The following EML6 variants were observed in gnomAD, a reference collection of about 807,000 sequenced individuals.
EML6 encodes the protein echinoderm microtubule-associated protein-like 6.
EML6 carries 154 observed loss-of-function variants against 240.1 expected under a neutral mutation model. The observed-to-expected ratio is 0.64, with a 90% confidence interval of 0.56 to 0.73. EML6 has a LOEUF of 0.73. Among genes scored for constraint, EML6 ranks in the 30% least tolerant of loss-of-function variants. EML6 has a pLI of 0.00. For missense variants in EML6, 2,964 were observed against 2,474.6 expected, an observed-to-expected ratio of 1.20 and a Z score of -4.20; for synonymous variants, 1,148 against 899.0, an observed-to-expected ratio of 1.28 and a Z score of -4.95.
At chr2:54,829,526 G>A (rs1558586414) in intron 7 of EML6, 49 bp downstream of exon 7, 3 of 1,428,656 alleles carry the variant, frequency 2.1e-6, no homozygotes, top group Non-Finnish European at 1.9e-6. Context: ...GAAATATAAT[G>A]TGAAGTTCTG....
chr2:54,783,206 T>C (rs1462141359), intron 2 of EML6, among the ~76,000 whole-genome samples: 1 of 152,240 alleles, frequency 6.6e-6, no homozygotes. Flanking sequence ...ACTGACCTCA[T>C]GTCTTATCTC....
chr2:54,767,194 A>G (rs1668218477), intron 2 of EML6, among the ~76,000 whole-genome samples: 1 of 152,166 alleles, frequency 6.6e-6, no homozygotes, highest in East Asian at 1.9e-4. Context: ...CTGTTACAGC[A>G]AAGTATTAAC....
At chr2:54,830,670 G>A (rs929588007) in intron 7 of EML6, among the ~76,000 whole-genome samples, 2 of 152,192 alleles carry the variant, frequency 1.3e-5, no homozygotes, top group Non-Finnish European at 2.9e-5. Context: ...AAACAGCCTA[G>A]ACGGCATATC....
At chr2:54,877,922 C>G (rs1671596509) in intron 16 of EML6, among the ~76,000 whole-genome samples, 2 of 152,146 alleles carry the variant, frequency 1.3e-5, no homozygotes, top group Non-Finnish European at 2.9e-5. Context: ...ACTACCATTT[C>G]CAGTTGGTTG....
At chr2:54,825,396 A>G (rs1668537528) in intron 5 of EML6, among the ~76,000 whole-genome samples, 1 of 152,160 alleles carries the variant, frequency 6.6e-6, no homozygotes, top group African/African-American at 2.4e-5. Context: ...CTTTATTAAA[A>G]AAAACTTTAT....
chr2:54,790,786 C>T lies in EML6; in HGVS notation c.198-22446C>T, dbSNP rs994106240. Among the ~76,000 whole-genome samples, 4 of 143,272 alleles carry T rather than the reference C, an allele frequency of 2.8e-5. No individual in the cohort carries two copies. The South Asian group carries it at 6.6e-4, about 24-fold the overall frequency. The allele number at this position is 143,272 out of a possible 152,430, so 94.0% of individuals were successfully genotyped here. ...TGTCGCCCAGGCTGGAGTGCAGTGG[C>T]GCGATCTTGGCTCACTGCAAGCTCC... On this transcript the variant is annotated intron_variant, in intron 2 of 41. Coordinates refer to ENST00000356458, the MANE Select transcript of EML6 (RefSeq NM_001039753.4).
At chr2:54,750,900 A>C (rs1463145185) in intron 2 of EML6, among the ~76,000 whole-genome samples, 3 of 152,190 alleles carry the variant, frequency 2.0e-5, no homozygotes, top group Non-Finnish European at 4.4e-5. Flanking sequence ...GTCCTCCCCG[A>C]GCCACATGGG....
intron 28 of EML6, among the ~76,000 whole-genome samples, chr2:54,936,080 GT>G (rs1675120461): frequency 6.6e-6 from 1 of 152,092 alleles, no homozygotes; most frequent in South Asian, 2.1e-4. Flanking sequence ...ATCTCCAGAG[GT>G]TTTCATTATC....
chr2:54,793,791 C>G (rs1669602827), intron 2 of EML6, among the ~76,000 whole-genome samples: 1 of 152,068 alleles, frequency 6.6e-6, no homozygotes, highest in Non-Finnish European at 1.5e-5. Flanking sequence ...GGCAGAACTT[C>G]CCCAACTCCC....
rs114913469 is a variant in EML6 at position 54,746,418 on chromosome 2, G to A, written c.197+21160G>A. 3.4e-3 allele frequency among the ~76,000 whole-genome samples: 521 copies of A among 151,958 alleles called. 1 individual carries two copies. The highest frequency in any genetic ancestry group is 0.01 in the Middle Eastern group (3 of 292). Reference sequence around the variant, plus strand: ...GAAAATCTATTTATTGTTTTCCTTGGGTACAGGCTTGTGATTTCGTTTGTT... The same window carrying A: ...GAAAATCTATTTATTGTTTTCCTTGAGTACAGGCTTGTGATTTCGTTTGTT... On this transcript the variant is annotated intron_variant, in intron 2 of 41. Transcript: ENST00000356458.
At chr2:54,882,877 A>AAAAAAAAAAAAAAAAAAAAAAAAAAAG (rs1238823372) in intron 17 of EML6, 1 of 146,474 alleles carries the variant, frequency 6.8e-6, no homozygotes, top group African/African-American at 2.5e-5. Flanking sequence ...AAAAAAAAGA[A>AAAAAAAAAAAAAAAAAAAAAAAAAAAG]AGCTTAGGGA....
rs1208198622 is a variant in EML6 at position 54,910,841 on chromosome 2, A to C, written c.3410-113A>C. The C allele has an allele frequency of 1.4e-4, 84 of 581,648 alleles. 1 individual carries two copies. The South Asian group carries it at 2.2e-3, about 15-fold the overall frequency. The allele number at this position is 581,648 out of a possible 1,614,324, so 36.0% of individuals were successfully genotyped here. On this transcript the variant is annotated intron_variant, in intron 24 of 41. Coordinates refer to ENST00000356458, the MANE Select transcript of EML6 (RefSeq NM_001039753.4). ...TGAATAATTCAAAATGTATTTACTC[A>C]ATTTGTGAGACTTTGATTAAAATGA...
intron 28 of EML6, among the ~76,000 whole-genome samples, chr2:54,946,521 CTG>C (rs1199180519): frequency 6.6e-6 from 1 of 152,212 alleles, no homozygotes; most frequent in Non-Finnish European, 1.5e-5. Context: ...CCACGGAAAA[CTG>C]TTAAACCTCC....
At chr2:54,828,061 A>G (rs1668682991) in intron 6 of EML6, among the ~76,000 whole-genome samples, 1 of 152,212 alleles carries the variant, frequency 6.6e-6, no homozygotes, top group African/African-American at 2.4e-5. Flanking sequence ...TGTGCCCATG[A>G]GTTTCTGGGG....
Position 54,829,453 on chromosome 2 carries a change from A to T in EML6, c.823A>T (p.Arg275Trp). 1.3e-6 allele frequency: 2 copies of T among 1,549,710 alleles called. No individual in the cohort carries two copies. The highest frequency in any genetic ancestry group is 2.4e-5 in the South Asian group (2 of 84,002). The part of the protein sequence containing the change: ...DFKPITKIDL[R>W]ETEQGYKGLS... The stretch of plus-strand genomic sequence containing the variant: ...CAAACCAATAACCAAAATTGATCTC[A>T]GGGAGACAGAACAAGGATACAAAGG... Residue 275 changes from arginine (R) to tryptophan (W), a missense_variant, in exon 7 of 42, where the codon AGG (arginine) becomes TGG (tryptophan). Coordinates refer to ENST00000356458, the MANE Select transcript of EML6 (RefSeq NM_001039753.4).
rs57639955 is a variant in EML6, at chr2:54,785,170, C to CTT, written c.198-28040_198-28039dup. On this transcript the variant is annotated intron_variant, in intron 2 of 41. Coordinates refer to ENST00000356458, the MANE Select transcript of EML6 (RefSeq NM_001039753.4). Reference sequence around the variant, plus strand: ...AGATTTCCACCCCCCCACACACACACTTTTTTTTTTTTTTTTTTTTTTTAA... The same window carrying CTT: ...AGATTTCCACCCCCCCACACACACACTTTTTTTTTTTTTTTTTTTTTTTTTAA... Among the ~76,000 whole-genome samples the CTT allele has an allele frequency of 3.2e-3, 329 of 102,590 alleles. 4 individuals are homozygous for CTT. Among genetic ancestry groups the CTT allele is most frequent in the African/African-American group, 0.011 (300 of 26,694 alleles). 67.3% of individuals were successfully genotyped at this position (102,590 alleles called of 152,430 possible).
chr2:54,925,279 G>A (rs2104372492), intron 26 of EML6, among the ~76,000 whole-genome samples: 1 of 152,218 alleles, frequency 6.6e-6, no homozygotes, highest in Non-Finnish European at 1.5e-5. Flanking sequence ...AACCAAATTG[G>A]CCAGCACCTT....
rs1446345039 is a variant in EML6 at position 54,916,874 on chromosome 2, G to A, written c.3614G>A (p.Cys1205Tyr). 6.5e-6 allele frequency: 10 copies of A among 1,550,192 alleles called. No individual in the cohort carries two copies. The East Asian group carries it at 7.3e-5, about 11-fold the overall frequency. ...DVNAASLTKD[C>Y]SLLATGDDFG... is the part of the protein sequence containing the mutation. ...AATGCTGCCAGTCTTACCAAAGACT[G>A]TTCCCTTTTAGCCACCGGAGATGAT... Residue 1205 changes from cysteine to tyrosine, a missense_variant, in exon 26 of 42, where the codon TGT (cysteine) becomes TAT (tyrosine). Transcript: ENST00000356458.
At chr2:54,822,413 A>G (rs1327819420) in intron 5 of EML6, among the ~76,000 whole-genome samples, 1 of 152,212 alleles carries the variant, frequency 6.6e-6, no homozygotes, top group East Asian at 1.9e-4. Context: ...TGTTAGAAGT[A>G]TGAACCAAGA....
Sources: allele counts gnomAD v4.1 joint callset (sites outside exome capture counted in the v4.1 genomes callset), GRCh38; gene constraint gnomAD v4.1.1; transcripts MANE v1.5; gene names NCBI Gene and HGNC (gene_info 2026-07-23, HGNC 2026-07-21).